Variants in OLFM3 observed in about 807,000 individuals in gnomAD.
OLFM3 encodes olfactomedin 3, also known as noelin-3.
Under a neutral mutation model 48.6 loss-of-function variants are expected in OLFM3, and 20 were observed. That is an observed-to-expected ratio of 0.41 (90% CI 0.29 to 0.60). OLFM3 has a LOEUF of 0.60. OLFM3 is among the 20% of genes least tolerant of loss of function. OLFM3 has a pLI of 0.28. For synonymous variants in OLFM3, 222 were observed against 198.1 expected (o/e 1.12, Z -1.01); for missense variants, 437 against 544.3 (o/e 0.80, Z 1.96).
intron 1 of OLFM3, among the ~76,000 whole-genome samples, chr1:101,963,318 T>A (rs1660517952): frequency 6.6e-6 from 1 of 152,208 alleles, no homozygotes; most frequent in Non-Finnish European, 1.5e-5. Flanking sequence ...AATCAGCTTT[T>A]CCCTTGACCT....
chr1:101,912,921 A>T (rs1405325830), intron 1 of OLFM3, among the ~76,000 whole-genome samples: 1 of 152,210 alleles, frequency 6.6e-6, no homozygotes, highest in Non-Finnish European at 1.5e-5. Flanking sequence ...CAGGGAAGGA[A>T]GTGAAATTAA....
chr1:101,988,207 A>T (rs1339057786), intron 1 of OLFM3, among the ~76,000 whole-genome samples: 2 of 152,190 alleles, frequency 1.3e-5, no homozygotes, highest in Non-Finnish European at 2.9e-5. Flanking sequence ...AAGCTAAGAC[A>T]TTACATACAA....
At chr1:101,978,887 T>G (rs990513341) in intron 1 of OLFM3, among the ~76,000 whole-genome samples, 3 of 152,192 alleles carry the variant, frequency 2.0e-5, no homozygotes, top group Non-Finnish European at 4.4e-5. Flanking sequence ...TCTATGTTTG[T>G]TGGATAATTA....
At position 101,804,146 on chromosome 1, in the gene OLFM3, GA is replaced by G; in HGVS notation, c.*91del. 1.0e-6 allele frequency: 1 copy of G among 1,002,154 alleles called. No individual in the cohort carries two copies. The highest frequency in any genetic ancestry group is 1.4e-6 in the Non-Finnish European group (1 of 710,182). The allele number at this position is 1,002,154 out of a possible 1,614,324, so 62.1% of individuals were successfully genotyped here. Reference sequence around the variant, plus strand: ...AAATGCTTTGCTTTGGAGAAATGATGAAAAATAATAGTGAAGAAAAAAACGG... The same window carrying G: ...AAATGCTTTGCTTTGGAGAAATGATGAAAATAATAGTGAAGAAAAAAACGG... On this transcript the variant is annotated 3_prime_UTR_variant, in exon 6 of 6. Transcript: ENST00000370103. This position sits in a 1 kb window ranked among gnomAD's most constrained non-coding sequence, Gnocchi z 4.5.
intron 1 of OLFM3, among the ~76,000 whole-genome samples, chr1:101,841,216 AT>A (rs1299869427): frequency 1.1e-4 from 16 of 152,124 alleles, no homozygotes; most frequent in African/African-American, 3.9e-4. Context: ...ATTTCAATAG[AT>A]TTTTTGCTTA....
intron 1 of OLFM3, among the ~76,000 whole-genome samples, chr1:101,916,272 G>A (rs1658922296): frequency 6.6e-6 from 1 of 152,088 alleles, no homozygotes; most frequent in Non-Finnish European, 1.5e-5. Context: ...TGAGAATGTA[G>A]TAGCCCAGTG....
chr1:101,872,618 A>T (rs1657125014), intron 1 of OLFM3, among the ~76,000 whole-genome samples: 1 of 152,040 alleles, frequency 6.6e-6, no homozygotes, highest in African/African-American at 2.4e-5. Flanking sequence ...GTTCTGGTTC[A>T]ATCTCATTTC....
intron 1 of OLFM3, among the ~76,000 whole-genome samples, chr1:101,896,251 T>C (rs995447248): frequency 4.6e-5 from 7 of 151,996 alleles, no homozygotes; most frequent in African/African-American, 1.7e-4. Flanking sequence ...ATTAGCACCT[T>C]TTAATTTTCA....
In OLFM3 at chr1:101,832,564, T is replaced by C. The variant is rs1655212734; in HGVS notation, c.217-1737A>G. ...CTAATTGTGTTATGTGGGTGTGGAG[T>C]AGGGGCAGGGAAGTAGCCTTCCCTT... On this transcript the variant is annotated intron_variant, in intron 2 of 5. Transcript: ENST00000370103. Among the ~76,000 whole-genome samples, 6 of 152,068 alleles carry C rather than the reference T, an allele frequency of 3.9e-5. No individual in the cohort carries two copies. In the South Asian group the frequency reaches 1.2e-3, roughly 31 times the overall value.
intron 1 of OLFM3, among the ~76,000 whole-genome samples, chr1:101,878,756 T>C (rs939599114): frequency 2.0e-5 from 3 of 151,882 alleles, no homozygotes; most frequent in Non-Finnish European, 4.4e-5. Context: ...ACTAGACAGC[T>C]TTAGAAAACA....
intron 1 of OLFM3, among the ~76,000 whole-genome samples, chr1:101,934,762 A>C (rs1485828238): frequency 6.6e-6 from 1 of 152,142 alleles, no homozygotes; most frequent in Non-Finnish European, 1.5e-5. Flanking sequence ...AAATCACACC[A>C]AAACACTTTT....
intron 1 of OLFM3, among the ~76,000 whole-genome samples, chr1:101,847,920 G>A (rs568969934): frequency 6.6e-6 from 1 of 152,168 alleles, no homozygotes; most frequent in African/African-American, 2.4e-5. Context: ...CCATATGACT[G>A]GCCGGTGACA....
intron 1 of OLFM3, among the ~76,000 whole-genome samples, chr1:101,949,258 C>T (rs1416735058): frequency 2.0e-5 from 3 of 152,100 alleles, no homozygotes; most frequent in African/African-American, 7.2e-5. Context: ...TTTGCTGGCT[C>T]TTTTTATCTT....
intron 1 of OLFM3, among the ~76,000 whole-genome samples, chr1:101,995,949 T>G (rs1661544676): frequency 6.6e-6 from 1 of 152,240 alleles, no homozygotes; most frequent in African/African-American, 2.4e-5. Context: ...TCAAGACTTT[T>G]CTCAGACATC....
intron 1 of OLFM3, among the ~76,000 whole-genome samples, chr1:101,978,186 G>A (rs1041212966): frequency 7.9e-5 from 12 of 152,082 alleles, no homozygotes; most frequent in African/African-American, 2.9e-4. Context: ...ATTGTATTAT[G>A]GAGAAATGTG....
chr1:101,849,589 G>A (rs1462019350), intron 1 of OLFM3, among the ~76,000 whole-genome samples: 1 of 152,214 alleles, frequency 6.6e-6, no homozygotes, highest in Non-Finnish European at 1.5e-5. Flanking sequence ...ATGCAGGATA[G>A]GCAGGCAGGG....
At chr1:101,924,950 C>G (rs1158450990) in intron 1 of OLFM3, among the ~76,000 whole-genome samples, 1 of 152,092 alleles carries the variant, frequency 6.6e-6, no homozygotes, top group South Asian at 2.1e-4. Context: ...TGTGGATGTG[C>G]ACAGAGTGTT....
At chr1:101,980,826 C>A (rs1448232939) in intron 1 of OLFM3, among the ~76,000 whole-genome samples, 1 of 152,056 alleles carries the variant, frequency 6.6e-6, no homozygotes, top group Non-Finnish European at 1.5e-5. Flanking sequence ...ACTGGGCTAA[C>A]TAAACCTTTT....
chr1:101,895,800 C>T (rs1047839549), intron 1 of OLFM3, among the ~76,000 whole-genome samples: 1 of 151,278 alleles, frequency 6.6e-6, no homozygotes, highest in Admixed American at 6.6e-5. Flanking sequence ...TTATGTTACA[C>T]TGCAAATGAA....
Sources: gnomAD v4.1 joint callset for allele counts (sites outside exome capture counted in the v4.1 genomes callset) on GRCh38, gnomAD v4.1.1 for gene constraint, Gnocchi (gnomAD v3.1) non-coding constraint, MANE v1.5 for transcripts, NCBI Gene and HGNC (gene_info 2026-07-23, HGNC 2026-07-21) for gene names.